Variants in LIMS2 observed in about 807,000 individuals in gnomAD.
The protein encoded by LIMS2 is LIM and senescent cell antigen-like-containing domain protein 2.
LIMS2 carries 30 observed loss-of-function variants against 45.3 expected under a neutral mutation model. That is an observed-to-expected ratio of 0.66 (90% CI 0.50 to 0.90). The LOEUF (loss-of-function observed/expected upper bound fraction) is 0.90. Ranked by LOEUF, LIMS2 falls within the 40% of genes least tolerant of loss-of-function variation. The pLI is 0.00. For missense variants in LIMS2, 485 were observed against 468.7 expected, an observed-to-expected ratio of 1.03 and a Z score of -0.32; for synonymous variants, 173 against 188.0, an observed-to-expected ratio of 0.92 and a Z score of 0.65.
chr2:127,679,590 G>A (rs1685572275), upstream of LIMS2, among the ~76,000 whole-genome samples: 2 of 151,778 alleles, frequency 1.3e-5, no homozygotes, highest in Non-Finnish European at 2.9e-5. This position sits in a 1 kb window ranked among gnomAD's most constrained non-coding sequence, Gnocchi z 5.3. Context: ...TTGCTGGGCA[G>A]GTACCCGAGT....
intron 1 of LIMS2, 178 bp downstream of exon 1, chr2:127,674,836 G>GGGGCTGGGGGACCCCTGCCCC (rs1685432574): frequency 3.0e-6 from 3 of 985,362 alleles, no homozygotes; most frequent in Non-Finnish European, 3.6e-6. Flanking sequence ...AAGAGGCGCG[G>GGGGCTGGGGGACCCCTGCCCC]GGGCTGGGGG....
chr2:127,640,054 G>A lies in LIMS2; in HGVS notation c.878+16C>T, dbSNP rs367980758. 1.1e-5 allele frequency: 18 copies of A among 1,612,642 alleles called. No individual in the cohort carries two copies. The highest frequency in any genetic ancestry group is 1.1e-4 in the African/African-American group (8 of 74,932). On this transcript the variant is annotated intron_variant, in intron 9 of 9. Transcript: ENST00000355119. ...CCCTCCACCCTGAGCCCCATCCCAC[G>A]ATCACAGGGACTCACTTCAGGGTGA...
In LIMS2 at chr2:127,671,455, A is replaced by T. The variant is rs576718070; in HGVS notation, c.11+3559T>A. Among the ~76,000 whole-genome samples the T allele has an allele frequency of 5.4e-4, 82 of 151,310 alleles. No homozygotes were observed. Among genetic ancestry groups the T allele is most frequent in the African/African-American group, 2.0e-3 (82 of 41,264 alleles). Reference sequence around the variant, plus strand: ...CTCAAAAAAAAAAAAAAGAGCCTGCATGCGGCACAGCACAGATAGGGACAG... The same window carrying T: ...CTCAAAAAAAAAAAAAAGAGCCTGCTTGCGGCACAGCACAGATAGGGACAG... On this transcript the variant is annotated intron_variant, in intron 1 of 9. Coordinates refer to ENST00000355119, the MANE Select transcript of LIMS2 (RefSeq NM_001161403.3). The surrounding 1 kb of genome is among the most constrained non-coding windows in gnomAD (Gnocchi z 4.1).
In LIMS2 at chr2:127,672,241, T is replaced by C. The variant is rs147769511; in HGVS notation, c.11+2773A>G. Among the ~76,000 whole-genome samples, 664 of 152,304 alleles carry C rather than the reference T, an allele frequency of 4.4e-3. 3 individuals are homozygous for C. Among genetic ancestry groups the C allele is most frequent in the Middle Eastern group, 0.037 (11 of 294 alleles). ...CCTTAATATCCTCCCTGTAGAACAA[T>C]GGTGATGCCAGAGGTCCCTTCAGCT... On this transcript the variant is annotated intron_variant, in intron 1 of 9. Transcript: ENST00000355119. This position sits in a 1 kb window ranked among gnomAD's most constrained non-coding sequence, Gnocchi z 4.9.
At chr2:127,651,577 T>C in intron 4 of LIMS2, 3 of 1,612,908 alleles carry the variant, frequency 1.9e-6, no homozygotes, top group Non-Finnish European at 2.5e-6. Context: ...GCAAACCGCA[T>C]CACCTCCTGC....
In LIMS2 at chr2:127,664,852, C is replaced by T. The variant is rs1022615098; in HGVS notation, c.12-7290G>A. Reference sequence around the variant, plus strand: ...GGATCCCTGCCAACAGTTAGGAAACCGAGGACCGGAGCCACACAGGCCCAC... The same window carrying T: ...GGATCCCTGCCAACAGTTAGGAAACTGAGGACCGGAGCCACACAGGCCCAC... On this transcript the variant is annotated intron_variant, in intron 1 of 9. Transcript: ENST00000355119. The surrounding 1 kb of genome is among the most constrained non-coding windows in gnomAD (Gnocchi z 5.5). Among the ~76,000 whole-genome samples, 4 of 152,148 alleles carry T rather than the reference C, an allele frequency of 2.6e-5. No homozygotes were observed. The highest frequency in any genetic ancestry group is 9.7e-5 in the African/African-American group (4 of 41,440).
rs746149320 is a variant in LIMS2, at chr2:127,639,334, C to A, written c.973G>T (p.Glu325Ter). 6.2e-7 allele frequency: 1 copy of A among 1,613,916 alleles called. No individual in the cohort carries two copies. Among genetic ancestry groups the A allele is most frequent in the South Asian group, 1.1e-5 (1 of 91,090 alleles). Reference sequence around the variant, plus strand: ...GGCTGGGCCTTGCGGGAGGTCAGCTCCGACAGCTTCTTCAGCCGCTTCTTC... The same window carrying A: ...GGCTGGGCCTTGCGGGAGGTCAGCTACGACAGCTTCTTCAGCCGCTTCTTC... ...ELKKRLKKLSELTSRKAQPKA... is the reference protein window; with the variant it reads ...ELKKRLKKLS The change falls in exon 10 of 10, where the codon GAG becomes TAG. Residue 325 changes from glutamate to a stop codon, truncating the protein, a stop_gained. Coordinates refer to ENST00000355119, the MANE Select transcript of LIMS2 (RefSeq NM_001161403.3). LOFTEE classifies it high-confidence loss of function.
rs371665020 is a variant in LIMS2 at position 127,673,688 on chromosome 2, A to G, written c.11+1326T>C. ...CCGCCTCTCACCCACCTCCACCTCA[A>G]TGCTGCTGCTGGGGCTGCTCCGGAC... On this transcript the variant is annotated intron_variant, in intron 1 of 9. Coordinates refer to ENST00000355119, the MANE Select transcript of LIMS2 (RefSeq NM_001161403.3). 66 of 1,551,146 alleles carry G rather than the reference A, an allele frequency of 4.3e-5. No individual in the cohort carries two copies. In the African/African-American group the frequency reaches 7.1e-4, roughly 17 times the overall value.
rs529962056 is a variant in LIMS2 at position 127,672,583 on chromosome 2, C to A, written c.11+2431G>T. 6.6e-6 allele frequency among the ~76,000 whole-genome samples: 1 copy of A among 152,320 alleles called. No homozygotes were observed. Among genetic ancestry groups the A allele is most frequent in the Admixed American group, 6.5e-5 (1 of 15,310 alleles). ...TCACAGCCAGTCAGTTGGGTCCTGT[C>A]CACTCCACCTCCCAGAACCCTGAGT... On this transcript the variant is annotated intron_variant, in intron 1 of 9. Coordinates refer to ENST00000355119, the MANE Select transcript of LIMS2 (RefSeq NM_001161403.3). The surrounding 1 kb of genome is among the most constrained non-coding windows in gnomAD (Gnocchi z 4.9).
chr2:127,659,103 G>T (rs538586295), intron 1 of LIMS2, among the ~76,000 whole-genome samples: 2 of 152,270 alleles, frequency 1.3e-5, no homozygotes, highest in African/African-American at 4.8e-5. Context: ...TGGGCGGAGG[G>T]TCTCACAGGA....
rs201636855 is a variant in LIMS2 at position 127,654,482 on chromosome 2, G to A, written c.301C>T (p.Arg101Cys). Reference sequence around the variant, plus strand: ...AGCTCCACATCACACAGCTCGCAGCGGAAGCAGCCCGGGTGCCAGTTGTTG... The same window carrying A: ...AGCTCCACATCACACAGCTCGCAGCAGAAGCAGCCCGGGTGCCAGTTGTTG... ...MNNNWHPGCFRCELCDVELAD... is the reference protein window; with the variant it reads ...MNNNWHPGCFCCELCDVELAD... Residue 101 changes from arginine to cysteine, a missense_variant, in exon 4 of 10, where the codon CGC becomes TGC. By Grantham distance (180) the Arg-to-Cys change is radical (BLOSUM62 -3). Coordinates refer to ENST00000355119, the MANE Select transcript of LIMS2 (RefSeq NM_001161403.3). 266 of 1,614,144 alleles carry A rather than the reference G, an allele frequency of 1.6e-4. No homozygotes were observed. Among genetic ancestry groups the A allele is most frequent in the East Asian group, 6.5e-4 (29 of 44,878 alleles).
intron 1 of LIMS2, among the ~76,000 whole-genome samples, chr2:127,666,970 T>C (rs186069308): frequency 3.3e-5 from 5 of 152,312 alleles, no homozygotes; most frequent in Admixed American, 2.6e-4. Flanking sequence ...TGAGATTTAG[T>C]TGGGGACACA....
upstream of LIMS2, among the ~76,000 whole-genome samples, chr2:127,680,125 G>A (rs569883702): frequency 8.5e-5 from 13 of 152,238 alleles, no homozygotes; most frequent in South Asian, 1.0e-3. Context: ...AAGTTAACTT[G>A]GGAAGTGGCT....
intron 9 of LIMS2, 110 bp downstream of exon 9, chr2:127,639,960 C>T: frequency 8.3e-7 from 1 of 1,202,620 alleles, no homozygotes; most frequent in South Asian, 1.3e-5. Context: ...CCCTTGTCCC[C>T]ACCATATCCC....
At chr2:127,654,348 A>T in intron 4 of LIMS2, 76 bp downstream of exon 4, 1 of 1,592,906 alleles carries the variant, frequency 6.3e-7, no homozygotes, top group East Asian at 2.2e-5. Context: ...GCAAGTGGGT[A>T]GCACACAGGA....
At chr2:127,643,999 C>T (rs1573760559) in intron 4 of LIMS2, 5 of 454,686 alleles carry the variant, frequency 1.1e-5, no homozygotes, top group East Asian at 7.0e-5. Flanking sequence ...AAGATCCCCA[C>T]CCAGGTTATG....
In LIMS2 at chr2:127,664,209, CG is replaced by C. The variant is rs1388992501; in HGVS notation, c.12-6648del. 2 of 1,048,656 alleles carry C rather than the reference CG, an allele frequency of 1.9e-6. No homozygotes were observed. Among genetic ancestry groups the C allele is most frequent in the East Asian group, 3.9e-5 (1 of 25,658 alleles). 65.0% of individuals were successfully genotyped at this position (1,048,656 alleles called of 1,614,324 possible). On this transcript the variant is annotated intron_variant, in intron 1 of 9. Coordinates refer to ENST00000355119, the MANE Select transcript of LIMS2 (RefSeq NM_001161403.3). The surrounding 1 kb of genome is among the most constrained non-coding windows in gnomAD (Gnocchi z 5.5). ...GACGCCGGGGCAGAGCCCACGGCGT[CG>C]GAGGGCCCCGGTCGGGTTTCCGAGG...
At chr2:127,656,976 T>C (rs1489026290) in intron 2 of LIMS2, among the ~76,000 whole-genome samples, 1 of 152,204 alleles carries the variant, frequency 6.6e-6, no homozygotes, top group African/African-American at 2.4e-5. Flanking sequence ...CTGCCCAGTA[T>C]GTCTCCCTCC....
rs1338398790 is a variant in LIMS2, at chr2:127,644,160, G to C, written c.360-1088C>G. The C allele has an allele frequency of 6.6e-6, 3 of 454,300 alleles. No homozygotes were observed. The Admixed American group carries it at 7.1e-5, about 11-fold the overall frequency. The allele number at this position is 454,300 out of a possible 1,614,324, so 28.1% of individuals were successfully genotyped here. The stretch of plus-strand genomic sequence containing the variant: ...CATCATCAGCTGTGTGCAGGGCAAG[G>C]GGCCCAAACAAAGGCCCAGCAGTCA... On this transcript the variant is annotated intron_variant, in intron 4 of 9. Coordinates refer to ENST00000355119, the MANE Select transcript of LIMS2 (RefSeq NM_001161403.3).
Sources: allele counts gnomAD v4.1 joint callset (sites outside exome capture counted in the v4.1 genomes callset), GRCh38; gene constraint gnomAD v4.1.1; non-coding constraint Gnocchi (gnomAD v3.1); transcripts MANE v1.5; gene names NCBI Gene and HGNC (gene_info 2026-07-23, HGNC 2026-07-21).